Variants in GK3 observed in about 807,000 individuals in gnomAD.
The protein encoded by GK3 is glycerol kinase 3.
At chr4:165,278,223 C>T in the GK3 span, 1 of 1,180,656 alleles carries the variant, frequency 8.5e-7, no homozygotes. Flanking sequence ...TCCTCAGGTT[C>T]AAGACTCCAT....
the GK3 span, chr4:165,278,334 G>A: frequency 5.4e-6 from 6 of 1,120,634 alleles, no homozygotes; most frequent in African/African-American, 4.6e-5. Context: ...ATGTCTGCTT[G>A]TAGCTGCATA....
chr4:165,278,472 T>G, the GK3 span: 1 of 1,576,860 alleles, frequency 6.3e-7, no homozygotes, highest in Admixed American at 1.7e-5. Context: ...GCAAAAGCAA[T>G]ATGGCATTTA....
At chr4:165,278,590 T>A in the GK3 span, 2 of 1,603,906 alleles carry the variant, frequency 1.2e-6, no homozygotes, top group Non-Finnish European at 1.7e-6. Context: ...AAGAAGTACC[T>A]ACTTCTTTAG....
chr4:165,278,831 A>G, the GK3 span: 342 of 1,544,734 alleles, frequency 2.2e-4, 1 homozygote, highest in African/African-American at 3.8e-3. Flanking sequence ...GGCTTGTCCA[A>G]TCTGGAAGCA....
the GK3 span, chr4:165,279,253 T>C: frequency 6.5e-7 from 1 of 1,535,330 alleles, no homozygotes; most frequent in Non-Finnish European, 9.0e-7. Flanking sequence ...TATTATTTCC[T>C]GGAATTCTTT....
the GK3 span, chr4:165,279,043 A>G: frequency 4.6e-6 from 7 of 1,507,366 alleles, no homozygotes; most frequent in Admixed American, 5.0e-5. Flanking sequence ...TCCTACTTGC[A>G]TTTGTTACAT....
the GK3 span, chr4:165,278,829 C>T: frequency 1.3e-6 from 2 of 1,546,002 alleles, no homozygotes; most frequent in African/African-American, 1.4e-5. Flanking sequence ...TTGGCTTGTC[C>T]AATCTGGAAG....
At chr4:165,279,440 T>G in the GK3 span, 2 of 1,601,754 alleles carry the variant, frequency 1.2e-6, no homozygotes, top group Admixed American at 1.7e-5. Flanking sequence ...ACATGTTTTC[T>G]CTATACACTC....
the GK3 span, chr4:165,279,594 G>C: frequency 6.2e-7 from 1 of 1,608,452 alleles, no homozygotes; most frequent in East Asian, 2.2e-5. Context: ...CTGGTGCCTT[G>C]GTCCACTGCC....
At chr4:165,278,971 A>C in the GK3 span, 1 of 1,484,148 alleles carries the variant, frequency 6.7e-7, no homozygotes, top group East Asian at 2.3e-5. Context: ...TTTCCATTGG[A>C]ATTCCAAAAA....
the GK3 span, chr4:165,279,047 G>C: frequency 6.6e-7 from 1 of 1,507,104 alleles, no homozygotes; most frequent in South Asian, 1.1e-5. Context: ...ACTTGCATTT[G>C]TTACATCTGT....
At chr4:165,278,298 A>T in the GK3 span, 83 of 1,074,250 alleles carry the variant, frequency 7.7e-5, no homozygotes, top group East Asian at 1.9e-3. Context: ...TCGGGCATCA[A>T]GGGCTTCACT....
the GK3 span, chr4:165,277,864 A>G: frequency 8.9e-6 from 7 of 789,990 alleles, no homozygotes; most frequent in African/African-American, 8.4e-5. Context: ...TCACGCAGCA[A>G]GTGGCTTATA....
the GK3 span, chr4:165,278,433 G>A: frequency 1.7e-4 from 251 of 1,492,312 alleles, 1 homozygote; most frequent in East Asian, 5.1e-3. Flanking sequence ...AAAATCTCTC[G>A]AGTTTGGAAA....
At chr4:165,278,449 A>G in the GK3 span, 5 of 1,528,296 alleles carry the variant, frequency 3.3e-6, no homozygotes, top group Non-Finnish European at 4.5e-6. Context: ...GGAAACAAAC[A>G]GCTTCTAATG....
At chr4:165,279,483 G>A in the GK3 span, 1 of 1,585,498 alleles carries the variant, frequency 6.3e-7, no homozygotes, top group East Asian at 2.2e-5. Flanking sequence ...TTAGGGTCCT[G>A]TTCCACCCAT....
the GK3 span, chr4:165,278,278 T>C: frequency 9.4e-7 from 1 of 1,067,304 alleles, no homozygotes; most frequent in Non-Finnish European, 1.5e-6. Context: ...CAGCACCCAG[T>C]GCAGTGGTTT....
the GK3 span, chr4:165,279,420 C>T: frequency 6.3e-7 from 1 of 1,598,638 alleles, no homozygotes; most frequent in Non-Finnish European, 8.6e-7. Context: ...TTGAGCTGTC[C>T]AAGTTTCTCA....
chr4:165,278,319 A>G, the GK3 span: 2 of 1,102,686 alleles, frequency 1.8e-6, no homozygotes, highest in South Asian at 2.5e-5. Flanking sequence ...ACTGGAATAT[A>G]CAGAATGTCT....
Sources: gnomAD v4.1 joint callset for allele counts on GRCh38, gnomAD v4.1.1 for gene constraint, MANE v1.5 for transcripts, NCBI Gene and HGNC (gene_info 2026-07-23, HGNC 2026-07-21) for gene names.